The following STK32A variants were observed in gnomAD, a reference collection of about 807,000 sequenced individuals.
STK32A encodes serine/threonine-protein kinase 32A.
STK32A carries 41 observed loss-of-function variants against 53.2 expected under a neutral mutation model. The observed-to-expected ratio is 0.77, with a 90% CI of 0.60 to 1.00. STK32A has a LOEUF of 1.00. Ranked by LOEUF, STK32A falls within the 50% of genes least tolerant of loss-of-function variation. STK32A has a pLI of 0.00. For missense variants in STK32A, 458 were observed against 485.8 expected (o/e 0.94, Z 0.54); for synonymous variants, 166 against 162.8 (o/e 1.02, Z -0.15).
At chr5:147,289,311 G>T (rs1752492966) in intron 4 of STK32A, among the ~76,000 whole-genome samples, 1 of 152,082 alleles carries the variant, frequency 6.6e-6, no homozygotes, top group Non-Finnish European at 1.5e-5. Context: ...AAGAAGCATT[G>T]TATTATTTAT....
intron 2 of STK32A, among the ~76,000 whole-genome samples, chr5:147,274,420 C>G (rs933172628): frequency 2.6e-5 from 4 of 152,088 alleles, no homozygotes; most frequent in African/African-American, 9.7e-5. Context: ...GCTCCATGAA[C>G]CAGAATGAAA....
chr5:147,368,471 A>C (rs753188763), intron 8 of STK32A, among the ~76,000 whole-genome samples: 1 of 151,996 alleles, frequency 6.6e-6, no homozygotes, highest in Non-Finnish European at 1.5e-5. Flanking sequence ...GTGTGTATAC[A>C]GTCTATATAA....
intron 4 of STK32A, among the ~76,000 whole-genome samples, chr5:147,299,180 T>A (rs535593771): frequency 4.5e-4 from 69 of 152,276 alleles, no homozygotes; most frequent in African/African-American, 1.5e-3. Context: ...ATGGTTTTTT[T>A]AATAATATGC....
chr5:147,284,271 C>A (rs982517215), intron 4 of STK32A, among the ~76,000 whole-genome samples: 1 of 151,956 alleles, frequency 6.6e-6, no homozygotes, highest in Non-Finnish European at 1.5e-5. Flanking sequence ...GGGACATAGG[C>A]CTTAATGTAA....
intron 5 of STK32A, among the ~76,000 whole-genome samples, chr5:147,341,492 T>C (rs960664771): frequency 1.3e-5 from 2 of 152,176 alleles, no homozygotes; most frequent in African/African-American, 4.8e-5. Flanking sequence ...GAAAAATTTT[T>C]TGAGTAGGCA....
chr5:147,320,451 TCATTG>T (rs1289789864), intron 4 of STK32A, among the ~76,000 whole-genome samples: 5 of 21,080 alleles, frequency 2.4e-4, no homozygotes, highest in Non-Finnish European at 7.4e-4. Context: ...TTTCTTTGAT[TCATTG>T]ATTATGTTTT....
Position 147,384,083 on chromosome 5 carries a change from G to T in STK32A, c.*100G>T. On this transcript the variant is annotated 3_prime_UTR_variant, in exon 13 of 13. Transcript: ENST00000397936. ...TAGTTCTTGCCACTCCACACACCAT[G>T]ACTTAGAAAATGTGAATGAATATAT... 2.0e-6 allele frequency: 3 copies of T among 1,506,762 alleles called. No homozygotes were observed. The highest frequency in any genetic ancestry group is 1.3e-5 in the South Asian group (1 of 74,708). The allele number at this position is 1,506,762 out of a possible 1,614,324, so 93.3% of individuals were successfully genotyped here. A position where few individuals can be genotyped will look rare whatever the true frequency, so the allele number is the denominator to read the frequency against.
At chr5:147,235,783 G>A (rs374622459) in intron 1 of STK32A, among the ~76,000 whole-genome samples, 2 of 152,166 alleles carry the variant, frequency 1.3e-5, no homozygotes, top group Non-Finnish European at 2.9e-5. Context: ...TATCACATCC[G>A]TGATTGTGGC....
chr5:147,310,970 G>A (rs1400350673), intron 4 of STK32A, among the ~76,000 whole-genome samples: 3 of 152,112 alleles, frequency 2.0e-5, no homozygotes, highest in African/African-American at 7.2e-5. Flanking sequence ...TCCAGAGAAA[G>A]GTCAGGGCTT....
At chr5:147,276,189 GA>G (rs1424509752) in intron 2 of STK32A, among the ~76,000 whole-genome samples, 1 of 152,136 alleles carries the variant, frequency 6.6e-6, no homozygotes, top group East Asian at 1.9e-4. Context: ...AAACTCAAGA[GA>G]AAACTTACTG....
intron 2 of STK32A, among the ~76,000 whole-genome samples, chr5:147,273,461 T>C (rs1412800555): frequency 6.6e-6 from 1 of 152,198 alleles, no homozygotes; most frequent in East Asian, 1.9e-4. Context: ...TGAGTGCAAC[T>C]AGGCAGACTC....
intron 4 of STK32A, among the ~76,000 whole-genome samples, chr5:147,306,188 A>T (rs1333618666): frequency 6.6e-6 from 1 of 151,538 alleles, no homozygotes; most frequent in Non-Finnish European, 1.5e-5. Context: ...TTTAATTTGC[A>T]TTTTTCTGGT....
chr5:147,352,625 A>C (rs2151994166), intron 7 of STK32A, among the ~76,000 whole-genome samples: 1 of 152,304 alleles, frequency 6.6e-6, no homozygotes, highest in East Asian at 1.9e-4. Flanking sequence ...AGTGAGTCAG[A>C]TCTCAAGAGA....
intron 2 of STK32A, among the ~76,000 whole-genome samples, chr5:147,265,660 T>A (rs530034525): frequency 4.6e-5 from 7 of 152,218 alleles, no homozygotes; most frequent in African/African-American, 9.6e-5. Flanking sequence ...AAGCTTCTTA[T>A]GTTTTTCCAT....
intron 4 of STK32A, among the ~76,000 whole-genome samples, chr5:147,287,480 G>C (rs984584437): frequency 1.3e-5 from 2 of 152,114 alleles, no homozygotes; most frequent in Non-Finnish European, 2.9e-5. Flanking sequence ...CATAAAACCT[G>C]CCTCCATCCA....
At chr5:147,342,951 T>G (rs369201238) in intron 5 of STK32A, 55 bp from the exon 6 acceptor site, 1 of 1,584,260 alleles carries the variant, frequency 6.3e-7, no homozygotes, top group African/African-American at 1.3e-5. Context: ...CCCCTACCCC[T>G]TAGTTCTGTT....
At chr5:147,369,913 T>G (rs1006992874) in intron 8 of STK32A, among the ~76,000 whole-genome samples, 2 of 152,190 alleles carry the variant, frequency 1.3e-5, no homozygotes, top group Non-Finnish European at 2.9e-5. Context: ...TCAGTGTTGG[T>G]GAGTCCCCTA....
At chr5:147,284,849 T>C (rs1400120399) in intron 4 of STK32A, among the ~76,000 whole-genome samples, 1 of 151,956 alleles carries the variant, frequency 6.6e-6, no homozygotes, top group African/African-American at 2.4e-5. Flanking sequence ...ATGAGTAAAA[T>C]CAGTATTGTG....
chr5:147,305,293 C>T (rs1484232918), intron 4 of STK32A, among the ~76,000 whole-genome samples: 1 of 152,086 alleles, frequency 6.6e-6, no homozygotes, highest in African/African-American at 2.4e-5. Context: ...CAACCTCCTG[C>T]CTCACAGATA....
Sources: allele counts gnomAD v4.1 joint callset (sites outside exome capture counted in the v4.1 genomes callset), GRCh38; gene constraint gnomAD v4.1.1; transcripts MANE v1.5; gene names NCBI Gene and HGNC (gene_info 2026-07-23, HGNC 2026-07-21).